The following ANK2 variants were observed in gnomAD, a reference collection of about 807,000 sequenced individuals.
ANK2 encodes the protein ankyrin 2.
A neutral mutation model predicts 360.5 loss-of-function variants in ANK2; 83 were observed. The observed-to-expected ratio is 0.23, with a 90% confidence interval of 0.19 to 0.28. ANK2 has a LOEUF of 0.28. ANK2 is among the 10% of genes least tolerant of loss of function. The pLI is 1.00. For missense variants in ANK2, 4,201 were observed against 4,795.7 expected (o/e 0.88, Z 3.66); for synonymous variants, 1,740 against 1,759.5 (o/e 0.99, Z 0.28).
chr4:113,142,328 T>A (rs557949840), intron 1 of ANK2, among the ~76,000 whole-genome samples: 5 of 152,328 alleles, frequency 3.3e-5, no homozygotes, highest in African/African-American at 1.2e-4. Context: ...TAGAAACGTT[T>A]TAACTTCTGA....
the ANK2 span, among the ~76,000 whole-genome samples, chr4:112,754,005 C>A: frequency 6.7e-6 from 1 of 149,948 alleles, no homozygotes; most frequent in East Asian, 2.0e-4. Flanking sequence ...GGCTGAGGCA[C>A]GATAATCACT....
rs1281919881 is a variant in ANK2 at position 113,258,376 on chromosome 4, C to G, written c.1351C>G (p.Leu451Val). The change falls in exon 13 of 46, where the codon CTG becomes GTG. Residue 451 changes from leucine (L) to valine (V), a missense_variant. Around this residue, in one of 4 missense-constraint regions of ANK2, gnomAD observed 1,268 missense variants for 1,650.8 expected, o/e 0.77. Transcript: ENST00000357077. ...MGHLNIVLLL[L>V]QNGASPDVTN... is the part of the protein sequence containing the mutation. The stretch of plus-strand genomic sequence containing the variant: ...CCACTTGAACATTGTCCTCCTTCTG[C>G]TGCAGAACGGAGCCTCTCCAGATGT... The G allele has an allele frequency of 6.2e-7, 1 of 1,614,138 alleles. No individual in the cohort carries two copies. The highest frequency in any genetic ancestry group is 2.2e-5 in the East Asian group (1 of 44,874).
At chr4:112,959,689 A>G (rs1023834824) in intron 2 of ANK2, among the ~76,000 whole-genome samples, 15 of 152,192 alleles carry the variant, frequency 9.9e-5, no homozygotes, top group Non-Finnish European at 1.8e-4. Flanking sequence ...TGTATACTCA[A>G]ATTTTCATGT....
intron 1 of ANK2, among the ~76,000 whole-genome samples, chr4:112,878,646 G>GT (rs2075847639): frequency 2.6e-5 from 4 of 151,804 alleles, no homozygotes; most frequent in African/African-American, 9.7e-5. Flanking sequence ...TTAATTTTTT[G>GT]TTTTTTAGAC....
rs548328436 is a variant in ANK2 at position 113,078,951 on chromosome 4, T to C, written c.84+29139T>C. On this transcript the variant is annotated intron_variant, in intron 1 of 45. Transcript: ENST00000357077. ...CCAAAGAGAGAATCTTGGAAGATAG[T>C]TGCAAATATGAAAAGTTGAAGGCTA... is the stretch of plus-strand genomic sequence containing the variant. Among the ~76,000 whole-genome samples, 45 of 152,330 alleles carry C rather than the reference T, an allele frequency of 3.0e-4. 1 individual carries two copies. In the South Asian group the frequency reaches 9.1e-3, roughly 31 times the overall value.
chr4:113,301,412 CAT>C (rs1057364974), intron 22 of ANK2, among the ~76,000 whole-genome samples: 13 of 139,224 alleles, frequency 9.3e-5, no homozygotes, highest in African/African-American at 3.0e-4. Flanking sequence ...CACACACACA[CAT>C]TGTGAAATGG....
chr4:112,997,913 T>C (rs1476119636), intron 2 of ANK2, among the ~76,000 whole-genome samples: 1 of 151,852 alleles, frequency 6.6e-6, no homozygotes, highest in Non-Finnish European at 1.5e-5. Context: ...GGCTATTTTT[T>C]TTTTTTCTAA....
chr4:112,810,505 A>T, the ANK2 span, among the ~76,000 whole-genome samples: 1 of 152,128 alleles, frequency 6.6e-6, no homozygotes, highest in East Asian at 1.9e-4. Flanking sequence ...GCTATGGCTC[A>T]TATTTCTCTG....
chr4:112,902,590 C>G lies in ANK2; in HGVS notation c.-39-1865C>G, dbSNP rs554108770. On this transcript the variant is annotated intron_variant, in intron 1 of 30. Transcript: ENST00000503271. ...TGATTAGTCTTTTTCGTAGAAAGTT[C>G]TTATGAATGCTTAAATGTTGTCCTT... Among the ~76,000 whole-genome samples, 19 of 152,258 alleles carry G rather than the reference C, an allele frequency of 1.2e-4. 1 individual carries two copies. The South Asian group carries it at 1.7e-3, about 13-fold the overall frequency.
chr4:113,140,594 ACT>A (rs547683373), intron 1 of ANK2, among the ~76,000 whole-genome samples: 4 of 152,102 alleles, frequency 2.6e-5, no homozygotes, highest in South Asian at 2.1e-4. Flanking sequence ...TAATTCAATG[ACT>A]CTGAGTGAAA....
intron 1 of ANK2, among the ~76,000 whole-genome samples, chr4:112,866,354 A>G (rs1034891027): frequency 1.3e-5 from 2 of 152,318 alleles, no homozygotes; most frequent in South Asian, 4.1e-4. Flanking sequence ...TAGTCAACAT[A>G]TGGGAAGGAA....
chr4:112,718,146 C>G, the ANK2 span, among the ~76,000 whole-genome samples: 2 of 152,194 alleles, frequency 1.3e-5, no homozygotes, highest in Admixed American at 6.5e-5. Flanking sequence ...TAGGACTTTC[C>G]TCTGTTTAGA....
At chr4:113,071,521 C>A (rs1415026858) in intron 1 of ANK2, among the ~76,000 whole-genome samples, 2 of 152,188 alleles carry the variant, frequency 1.3e-5, no homozygotes, top group Non-Finnish European at 2.9e-5. Context: ...CAACTCAAAT[C>A]CACCTTCTCC....
At chr4:113,157,637 A>G (rs2097351377) in intron 1 of ANK2, among the ~76,000 whole-genome samples, 2 of 152,220 alleles carry the variant, frequency 1.3e-5, no homozygotes, top group Admixed American at 1.3e-4. Flanking sequence ...TTGAGCATCA[A>G]GGGAGATCAG....
chr4:113,049,631 C>CCACCACCAG, upstream of ANK2: 1 of 1,486,568 alleles, frequency 6.7e-7, no homozygotes, highest in Non-Finnish European at 9.0e-7. Flanking sequence ...CACCCCTCCT[C>CCACCACCAG]CTCCTCCTGC....
intron 1 of ANK2, among the ~76,000 whole-genome samples, chr4:112,883,018 C>CTTTTTTTTTTTTTTTTT (rs536262490): frequency 1.3e-4 from 4 of 30,526 alleles, no homozygotes; most frequent in African/African-American, 4.2e-4. Flanking sequence ...CTTGGTTAGT[C>CTTTTTTTTTTTTTTTTT]TTTTTTTTTT....
intron 1 of ANK2, chr4:113,152,411 C>T (rs1445874278): frequency 2.0e-5 from 3 of 152,028 alleles, no homozygotes; most frequent in South Asian, 4.1e-4. Context: ...GGATTTTATG[C>T]CCCTTTAATC....
intron 2 of ANK2, among the ~76,000 whole-genome samples, chr4:112,988,268 A>G (rs2045613735): frequency 6.6e-6 from 1 of 152,228 alleles, no homozygotes; most frequent in Non-Finnish European, 1.5e-5. Context: ...GCATTAACAT[A>G]ATACTGGAAA....
At chr4:113,191,120 A>G (rs1325194373) in intron 2 of ANK2, among the ~76,000 whole-genome samples, 1 of 152,150 alleles carries the variant, frequency 6.6e-6, no homozygotes, top group Non-Finnish European at 1.5e-5. Flanking sequence ...TGGGAGGATC[A>G]CCTGAGGTCA....
Sources: allele counts gnomAD v4.1 joint callset (sites outside exome capture counted in the v4.1 genomes callset), GRCh38; gene constraint gnomAD v4.1.1; regional missense constraint gnomAD v4.1.1; transcripts MANE v1.5; gene names NCBI Gene and HGNC (gene_info 2026-07-23, HGNC 2026-07-21).